The following MGAT5 variants were observed in gnomAD, a reference collection of about 807,000 sequenced individuals.
MGAT5 encodes alpha-1,6-mannosylglycoprotein 6-beta-N-acetylglucosaminyltransferase A.
Under a neutral mutation model 94.3 loss-of-function variants are expected in MGAT5, and 30 were observed. The ratio of observed to expected loss-of-function variants is 0.32; its 90% CI spans 0.24 to 0.43. The LOEUF (loss-of-function observed/expected upper bound fraction) is 0.43, where lower values mean the gene tolerates loss of function less well. MGAT5 is among the 20% of genes least tolerant of loss of function. The pLI, the probability that MGAT5 is intolerant of heterozygous loss-of-function variation, is 1.00. For missense variants in MGAT5, 691 were observed against 905.5 expected, an observed-to-expected ratio of 0.76 and a Z score of 3.04; for synonymous variants, 310 against 322.9, an observed-to-expected ratio of 0.96 and a Z score of 0.43.
intron 12 of MGAT5, among the ~76,000 whole-genome samples, chr2:134,419,318 G>A (rs966266596): frequency 1.1e-4 from 17 of 152,098 alleles, no homozygotes; most frequent in Admixed American, 1.1e-3. Flanking sequence ...AAGTAATGTG[G>A]CTGGTTCAGG....
intron 1 of MGAT5, among the ~76,000 whole-genome samples, chr2:134,199,941 G>T (rs1679696838): frequency 6.6e-6 from 1 of 152,086 alleles, no homozygotes; most frequent in Non-Finnish European, 1.5e-5. Flanking sequence ...AGAAGCTTCA[G>T]TGGTCCAGTG....
At chr2:134,318,562 CA>C in intron 3 of MGAT5, 87 bp from the exon 4 acceptor site, 1 of 967,786 alleles carries the variant, frequency 1.0e-6, no homozygotes, top group Non-Finnish European at 1.6e-6. Flanking sequence ...CCATTCACTC[CA>C]TCTTCACCAT....
chr2:134,140,005 G>A (rs915373568), intron 1 of MGAT5, among the ~76,000 whole-genome samples: 7 of 152,214 alleles, frequency 4.6e-5, no homozygotes, highest in Non-Finnish European at 8.8e-5. Context: ...GAATCCTAAA[G>A]TAGGTAAAGT....
At chr2:134,409,546 G>T (rs1683528262) in intron 11 of MGAT5, among the ~76,000 whole-genome samples, 3 of 152,170 alleles carry the variant, frequency 2.0e-5, no homozygotes, top group Admixed American at 2.0e-4. Context: ...GATGAACCGG[G>T]GGTGATTCAT....
rs5834402 is a variant in MGAT5, at chr2:134,182,780, G to GTTTT, written c.-143+62510_-143+62513dup. On this transcript the variant is annotated intron_variant, in intron 1 of 16. Transcript: ENST00000409645. Reference sequence around the variant, plus strand: ...TTATATAGTGCATGTTAGAAGATTAGTTTTTTTTTTTTTTTTTTTTTTTTG... The same window carrying GTTTT: ...TTATATAGTGCATGTTAGAAGATTAGTTTTTTTTTTTTTTTTTTTTTTTTTTTTG... Among the ~76,000 whole-genome samples the GTTTT allele has an allele frequency of 1.2e-3, 101 of 87,064 alleles. 1 individual carries two copies. Among genetic ancestry groups the GTTTT allele is most frequent in the Non-Finnish European group, 1.3e-3 (62 of 46,086 alleles). 57.1% of individuals were successfully genotyped at this position (87,064 alleles called of 152,430 possible). A position where few individuals can be genotyped will look rare whatever the true frequency, so the allele number is the denominator to read the frequency against.
intron 1 of MGAT5, among the ~76,000 whole-genome samples, chr2:134,191,314 A>G (rs1360154267): frequency 2.6e-5 from 4 of 152,264 alleles, no homozygotes; most frequent in Admixed American, 1.3e-4. Flanking sequence ...CCAGTGCAAT[A>G]CTGTTTACAG....
intron 10 of MGAT5, among the ~76,000 whole-genome samples, chr2:134,382,358 G>A (rs1681687293): frequency 6.6e-6 from 1 of 152,160 alleles, no homozygotes; most frequent in African/African-American, 2.4e-5. Context: ...ATGCAACAAA[G>A]GTTGAAAACT....
intron 1 of MGAT5, among the ~76,000 whole-genome samples, chr2:134,153,488 G>A (rs1687323536): frequency 6.6e-6 from 1 of 152,190 alleles, no homozygotes; most frequent in African/African-American, 2.4e-5. Context: ...CCTGGAGAGG[G>A]TTCTTGGTGT....
At chr2:134,445,121 T>C (rs958103272) in intron 15 of MGAT5, among the ~76,000 whole-genome samples, 3 of 152,176 alleles carry the variant, frequency 2.0e-5, no homozygotes, top group Non-Finnish European at 4.4e-5. Flanking sequence ...GTGCAAAGAA[T>C]TCTAAGCAGT....
intron 1 of MGAT5, among the ~76,000 whole-genome samples, chr2:134,153,793 G>A (rs1159482526): frequency 2.0e-5 from 3 of 152,038 alleles, no homozygotes; most frequent in South Asian, 2.1e-4. Flanking sequence ...TATACTTCTC[G>A]AGCAGTGTTT....
chr2:134,228,070 T>C (rs1030375743), intron 1 of MGAT5, among the ~76,000 whole-genome samples: 1 of 152,200 alleles, frequency 6.6e-6, no homozygotes, highest in Non-Finnish European at 1.5e-5. Context: ...GCAATCTTTT[T>C]GATAAAAGAG....
chr2:134,376,981 C>G (rs1681224304), intron 10 of MGAT5, among the ~76,000 whole-genome samples: 1 of 152,238 alleles, frequency 6.6e-6, no homozygotes. Flanking sequence ...TGTTTTTATC[C>G]TTAAAACGGT....
intron 1 of MGAT5, among the ~76,000 whole-genome samples, chr2:134,204,265 A>G (rs1203553670): frequency 6.6e-6 from 1 of 152,158 alleles, no homozygotes; most frequent in African/African-American, 2.4e-5. Context: ...AAGGAGAATG[A>G]ATGGAGATGC....
intron 2 of MGAT5, among the ~76,000 whole-genome samples, chr2:134,309,718 T>G (rs749048): frequency 0.58 from 88,832 of 151,934 alleles, 27,637 homozygotes; most frequent in Non-Finnish European, 0.69. Flanking sequence ...GGAGGGTTGG[T>G]GTATATATGA....
chr2:134,179,167 CT>C (rs1206910886), intron 1 of MGAT5, among the ~76,000 whole-genome samples: 1 of 152,074 alleles, frequency 6.6e-6, no homozygotes, highest in African/African-American at 2.4e-5. Flanking sequence ...CGTGTTTATC[CT>C]TTTTTTGTGC....
At chr2:134,409,231 G>T (rs898081516) in intron 11 of MGAT5, among the ~76,000 whole-genome samples, 1 of 152,188 alleles carries the variant, frequency 6.6e-6, no homozygotes, top group African/African-American at 2.4e-5. Flanking sequence ...TCCTTTCCAT[G>T]TACTATCTCA....
At chr2:134,350,225 A>G (rs919858900) in intron 9 of MGAT5, among the ~76,000 whole-genome samples, 2 of 152,206 alleles carry the variant, frequency 1.3e-5, no homozygotes, top group Non-Finnish European at 2.9e-5. Flanking sequence ...CTTTGCAGTT[A>G]CTTTAGATTG....
At chr2:134,322,128 A>G (rs1210682498) in intron 4 of MGAT5, among the ~76,000 whole-genome samples, 1 of 152,202 alleles carries the variant, frequency 6.6e-6, no homozygotes, top group Non-Finnish European at 1.5e-5. Context: ...ATGTACTTAG[A>G]GTACAACCCG....
At chr2:134,158,667 G>T (rs1204248183) in intron 1 of MGAT5, among the ~76,000 whole-genome samples, 3 of 152,158 alleles carry the variant, frequency 2.0e-5, no homozygotes, top group Non-Finnish European at 4.4e-5. Flanking sequence ...TCGGAAGGGG[G>T]AGGGGCTCTT....
Sources: allele counts gnomAD v4.1 joint callset (sites outside exome capture counted in the v4.1 genomes callset), GRCh38; gene constraint gnomAD v4.1.1; transcripts MANE v1.5; gene names NCBI Gene and HGNC (gene_info 2026-07-23, HGNC 2026-07-21).